Variants in JPH3 observed in about 807,000 individuals in gnomAD.
JPH3 encodes the protein junctophilin 3, also known as junctophilin-3.
In JPH3, 11 loss-of-function variants were observed where a neutral mutation model predicts 59.6. The ratio of observed to expected loss-of-function variants is 0.18; its 90% CI spans 0.12 to 0.31. The LOEUF (loss-of-function observed/expected upper bound fraction) is 0.31, where lower values mean the gene tolerates loss of function less well. Ranked by LOEUF, JPH3 falls within the 10% of genes least tolerant of loss-of-function variation. The pLI is 1.00. For synonymous variants in JPH3, 673 were observed against 483.6 expected (o/e 1.39, Z -5.14); for missense variants, 1,202 against 1,105.7 (o/e 1.09, Z -1.24).
At chr16:87,650,857 G>A (rs1691259012) in intron 2 of JPH3, among the ~76,000 whole-genome samples, 2 of 152,224 alleles carry the variant, frequency 1.3e-5, no homozygotes, top group African/African-American at 4.8e-5. Flanking sequence ...TAAAGTGCAA[G>A]GTGAGGGAGC....
At chr16:87,607,425 T>G (rs1210369923) in intron 1 of JPH3, among the ~76,000 whole-genome samples, 1 of 152,162 alleles carries the variant, frequency 6.6e-6, no homozygotes, top group Non-Finnish European at 1.5e-5. Context: ...CAGTCGGAAT[T>G]CAGATCCCCC....
intron 1 of JPH3, among the ~76,000 whole-genome samples, chr16:87,629,419 T>TG (rs972462457): frequency 1.4e-5 from 2 of 145,404 alleles, no homozygotes; most frequent in East Asian, 2.0e-4. Context: ...CCCATCTTTG[T>TG]GGGTTTTTTT....
chr16:87,613,976 C>G (rs948347381), intron 1 of JPH3, among the ~76,000 whole-genome samples: 4 of 152,192 alleles, frequency 2.6e-5, no homozygotes, highest in Non-Finnish European at 5.9e-5. Context: ...TCCGAGATGC[C>G]TTTCTTGATG....
intron 3 of JPH3, among the ~76,000 whole-genome samples, chr16:87,685,704 C>T (rs986225126): frequency 6.6e-6 from 1 of 152,266 alleles, no homozygotes; most frequent in Non-Finnish European, 1.5e-5. Flanking sequence ...ATTCCACGTA[C>T]CAACCCTGGC....
intron 4 of JPH3, chr16:87,695,672 G>C: frequency 2.2e-6 from 1 of 455,924 alleles, no homozygotes; most frequent in Non-Finnish European, 4.4e-6. Context: ...TGTATCTGTA[G>C]GGCAGCACCC....
intron 3 of JPH3, among the ~76,000 whole-genome samples, chr16:87,684,727 T>C (rs114841910): frequency 5.8e-4 from 89 of 152,322 alleles, no homozygotes; most frequent in African/African-American, 2.0e-3. Flanking sequence ...ACACACCCAG[T>C]GGCTGCTGGG....
chr16:87,681,723 A>T (rs922287673), intron 2 of JPH3, among the ~76,000 whole-genome samples: 3 of 152,132 alleles, frequency 2.0e-5, no homozygotes, highest in African/African-American at 7.2e-5. Flanking sequence ...GGTCAAGTGC[A>T]TGTGGTCATA....
intron 2 of JPH3, among the ~76,000 whole-genome samples, chr16:87,656,468 T>A (rs1042514289): frequency 3.3e-5 from 5 of 152,224 alleles, no homozygotes; most frequent in African/African-American, 1.2e-4. Flanking sequence ...TGCCCCGGTA[T>A]GTCTGCAACG....
At chr16:87,673,355 G>A (rs368627063) in intron 2 of JPH3, among the ~76,000 whole-genome samples, 1 of 151,998 alleles carries the variant, frequency 6.6e-6, no homozygotes, top group African/African-American at 2.4e-5. Context: ...CAGAAGATGC[G>A]AGGAAACAGA....
intron 1 of JPH3, among the ~76,000 whole-genome samples, chr16:87,627,470 C>T (rs1597244561): frequency 1.3e-5 from 2 of 152,130 alleles, no homozygotes; most frequent in Non-Finnish European, 2.9e-5. Context: ...GGGCCTCGTG[C>T]CCAGTGTTGT....
At chr16:87,676,229 C>T (rs950810126) in intron 2 of JPH3, among the ~76,000 whole-genome samples, 4 of 152,174 alleles carry the variant, frequency 2.6e-5, no homozygotes, top group African/African-American at 9.7e-5. Context: ...GACCAGAATC[C>T]CTATCAGAGC....
At chr16:87,635,977 A>C (rs1337987555) in intron 1 of JPH3, among the ~76,000 whole-genome samples, 1 of 152,184 alleles carries the variant, frequency 6.6e-6, no homozygotes, top group Non-Finnish European at 1.5e-5. Flanking sequence ...GGCCAGGGCA[A>C]CTGGAGCAGA....
chr16:87,695,311 G>T (rs1018308939), intron 4 of JPH3: 23 of 455,980 alleles, frequency 5.0e-5, no homozygotes, highest in Non-Finnish European at 7.9e-5. Context: ...GCTTAAAGGA[G>T]TCCATGGAAA....
At chr16:87,636,154 G>A (rs1349698005) in intron 1 of JPH3, among the ~76,000 whole-genome samples, 1 of 152,242 alleles carries the variant, frequency 6.6e-6, no homozygotes, top group Non-Finnish European at 1.5e-5. Context: ...CGATGGGACA[G>A]GCTTTGGGAA....
At chr16:87,647,521 C>T (rs1005486555) in intron 2 of JPH3, among the ~76,000 whole-genome samples, 3 of 152,188 alleles carry the variant, frequency 2.0e-5, no homozygotes, top group South Asian at 2.1e-4. Flanking sequence ...TGGCAGGTTG[C>T]GGCTTGCCTT....
At chr16:87,627,271 G>A (rs2031412258) in intron 1 of JPH3, among the ~76,000 whole-genome samples, 1 of 152,254 alleles carries the variant, frequency 6.6e-6, no homozygotes, top group Non-Finnish European at 1.5e-5. Flanking sequence ...GCAGCTGTTG[G>A]GGTGAGCTGA....
At chr16:87,681,884 G>A (rs940661572) in intron 2 of JPH3, among the ~76,000 whole-genome samples, 5 of 152,188 alleles carry the variant, frequency 3.3e-5, no homozygotes, top group Admixed American at 2.0e-4. Context: ...GCTGAGCCTC[G>A]GATTCTCTGT....
At chr16:87,651,645 C>T (rs1045410488) in intron 2 of JPH3, among the ~76,000 whole-genome samples, 7 of 152,240 alleles carry the variant, frequency 4.6e-5, no homozygotes, top group East Asian at 1.9e-4. Context: ...GAATTAGAAG[C>T]GGAGCCTGCC....
intron 1 of JPH3, among the ~76,000 whole-genome samples, chr16:87,613,586 G>C (rs982958692): frequency 6.6e-6 from 1 of 152,174 alleles, no homozygotes; most frequent in African/African-American, 2.4e-5. Flanking sequence ...CTCTCAAAGT[G>C]CTGGGATTAC....
Sources: gnomAD v4.1 joint callset for allele counts (sites outside exome capture counted in the v4.1 genomes callset) on GRCh38, gnomAD v4.1.1 for gene constraint, MANE v1.5 for transcripts, NCBI Gene and HGNC (gene_info 2026-07-23, HGNC 2026-07-21) for gene names.